The following LINGO2 variants were observed in gnomAD, a reference collection of about 807,000 sequenced individuals.
LINGO2 encodes the protein leucine-rich repeat and immunoglobulin-like domain-containing nogo receptor-interacting protein 2.
Under a neutral mutation model 30.6 loss-of-function variants are expected in LINGO2, and 14 were observed. The ratio of observed to expected loss-of-function variants is 0.46; its 90% CI spans 0.30 to 0.72. The LOEUF is 0.72. LINGO2 is among the 30% of genes least tolerant of loss of function. LINGO2 has a pLI of 0.07. For synonymous variants in LINGO2, 317 were observed against 288.5 expected, an observed-to-expected ratio of 1.10 and a Z score of -1.00; for missense variants, 729 against 751.7, an observed-to-expected ratio of 0.97 and a Z score of 0.35.
intron 2 of LINGO2, among the ~76,000 whole-genome samples, chr9:28,378,870 G>C (rs1343790668): frequency 6.6e-6 from 1 of 152,086 alleles, no homozygotes; most frequent in African/African-American, 2.4e-5. Context: ...ATATTCATGA[G>C]TTCAGGGAAG....
At chr9:28,940,983 T>C in the LINGO2 span, among the ~76,000 whole-genome samples, 2 of 149,486 alleles carry the variant, frequency 1.3e-5, no homozygotes, top group Admixed American at 6.7e-5. Context: ...CTCATATTTA[T>C]GTCTTTGCCC....
chr9:28,701,161 T>G, the LINGO2 span, among the ~76,000 whole-genome samples: 2 of 152,022 alleles, frequency 1.3e-5, no homozygotes, highest in Non-Finnish European at 2.9e-5. Flanking sequence ...TTAATTTTAA[T>G]CAAACCCAGA....
At chr9:29,114,510 G>A in the LINGO2 span, among the ~76,000 whole-genome samples, 8 of 149,808 alleles carry the variant, frequency 5.3e-5, no homozygotes, top group Non-Finnish European at 1.0e-4. Flanking sequence ...CCATTAACTC[G>A]TCATTTACAT....
the LINGO2 span, among the ~76,000 whole-genome samples, chr9:28,752,891 A>G: frequency 2.0e-5 from 3 of 151,962 alleles, no homozygotes; most frequent in Non-Finnish European, 4.4e-5. Context: ...ACCTCTATGG[A>G]CCTCCTTTTT....
chr9:28,257,977 T>A (rs1361906487), intron 4 of LINGO2, among the ~76,000 whole-genome samples: 1 of 151,958 alleles, frequency 6.6e-6, no homozygotes, highest in Non-Finnish European at 1.5e-5. Flanking sequence ...TAAAAAGCAG[T>A]CACATAGGTA....
chr9:27,940,165 A>C, the LINGO2 span: 2 of 151,976 alleles, frequency 1.3e-5, no homozygotes, highest in African/African-American at 4.8e-5. Context: ...TTTTTTCCCC[A>C]GATGGTTCTT....
the LINGO2 span, among the ~76,000 whole-genome samples, chr9:29,168,437 C>A: frequency 6.6e-6 from 1 of 152,170 alleles, no homozygotes; most frequent in Non-Finnish European, 1.5e-5. Flanking sequence ...TCATAGGAAT[C>A]ACACCCACAC....
At chr9:29,152,415 G>T in the LINGO2 span, among the ~76,000 whole-genome samples, 1 of 152,166 alleles carries the variant, frequency 6.6e-6, no homozygotes, top group Non-Finnish European at 1.5e-5. Flanking sequence ...CAAGCTAGGT[G>T]CCATCAACAG....
the LINGO2 span, among the ~76,000 whole-genome samples, chr9:29,011,226 T>C: frequency 6.6e-6 from 1 of 152,182 alleles, no homozygotes; most frequent in African/African-American, 2.4e-5. Flanking sequence ...CTCCCAAACC[T>C]GTGGGTGAAA....
chr9:28,014,030 C>T (rs1822692706), intron 4 of LINGO2, among the ~76,000 whole-genome samples: 1 of 152,140 alleles, frequency 6.6e-6, no homozygotes, highest in African/African-American at 2.4e-5. Context: ...GGCCCTGATA[C>T]CTCTCAAGCC....
chr9:28,852,504 G>A, the LINGO2 span, among the ~76,000 whole-genome samples: 124 of 152,006 alleles, frequency 8.2e-4, no homozygotes, highest in African/African-American at 2.8e-3. Flanking sequence ...CTACAAATAC[G>A]GTTCTATGCA....
the LINGO2 span, chr9:27,941,733 A>G: frequency 6.6e-6 from 1 of 152,192 alleles, no homozygotes. Flanking sequence ...AAGAGAGGGC[A>G]CCTTCACTCT....
At chr9:28,935,981 AAT>A in the LINGO2 span, among the ~76,000 whole-genome samples, 1 of 152,134 alleles carries the variant, frequency 6.6e-6, no homozygotes, top group African/African-American at 2.4e-5. Flanking sequence ...TATTAGAGAA[AAT>A]GAGTATTTTG....
chr9:28,490,134 T>C (rs1408811731), intron 1 of LINGO2, among the ~76,000 whole-genome samples: 2 of 152,150 alleles, frequency 1.3e-5, no homozygotes, highest in East Asian at 3.9e-4. Context: ...TTTCGAATCC[T>C]ACCCCAGTAG....
chr9:28,953,340 CTT>C, the LINGO2 span, among the ~76,000 whole-genome samples: 1 of 151,952 alleles, frequency 6.6e-6, no homozygotes, highest in African/African-American at 2.4e-5. Context: ...TCTATATACT[CTT>C]TAAAATGAAG....
chr9:27,952,051 A>T (rs1042813579), intron 5 of LINGO2, among the ~76,000 whole-genome samples: 1 of 152,040 alleles, frequency 6.6e-6, no homozygotes, highest in Non-Finnish European at 1.5e-5. Flanking sequence ...ATTTTTGGAA[A>T]ATATGTGGCA....
intron 4 of LINGO2, among the ~76,000 whole-genome samples, chr9:28,091,864 C>T (rs894980793): frequency 4.0e-5 from 6 of 151,396 alleles, no homozygotes; most frequent in Non-Finnish European, 7.4e-5. Flanking sequence ...AAAAAAACAA[C>T]CCCATCAAAA....
At chr9:28,648,396 A>G (rs1319431550) in intron 1 of LINGO2, among the ~76,000 whole-genome samples, 2 of 152,120 alleles carry the variant, frequency 1.3e-5, no homozygotes, top group African/African-American at 4.8e-5. Flanking sequence ...GGATCGGTCA[A>G]TGCATCTTCA....
At chr9:28,594,392 A>T (rs1825071870) in intron 1 of LINGO2, among the ~76,000 whole-genome samples, 1 of 152,046 alleles carries the variant, frequency 6.6e-6, no homozygotes, top group Non-Finnish European at 1.5e-5. Flanking sequence ...CATTGCCTTC[A>T]AATCTTCACA....
Sources: allele counts gnomAD v4.1 joint callset (sites outside exome capture counted in the v4.1 genomes callset), GRCh38; gene constraint gnomAD v4.1.1; transcripts MANE v1.5; gene names NCBI Gene and HGNC (gene_info 2026-07-23, HGNC 2026-07-21).